MAMDC2: variants seen among roughly 807,000 people sequenced by gnomAD.
MAMDC2 encodes MAM domain containing 2.
In MAMDC2, 57 loss-of-function variants were observed where a neutral mutation model predicts 89.8. The ratio of observed to expected loss-of-function variants is 0.63; its 90% CI spans 0.51 to 0.79. MAMDC2 has a LOEUF of 0.79. Ranked by LOEUF, MAMDC2 falls within the 30% of genes least tolerant of loss-of-function variation. MAMDC2 has a pLI of 0.00. For synonymous variants in MAMDC2, 313 were observed against 293.4 expected (o/e 1.07, Z -0.68); for missense variants, 800 against 820.6 (o/e 0.97, Z 0.31).
intron 2 of MAMDC2, among the ~76,000 whole-genome samples, chr9:70,051,040 A>G (rs981032603): frequency 6.6e-6 from 1 of 152,192 alleles, no homozygotes; most frequent in Non-Finnish European, 1.5e-5. Flanking sequence ...TGGCTCCATT[A>G]GTGATGGTGC....
At chr9:70,125,051 G>C (rs770131389) in intron 5 of MAMDC2, among the ~76,000 whole-genome samples, 4 of 152,206 alleles carry the variant, frequency 2.6e-5, no homozygotes, top group Non-Finnish European at 1.5e-5. Context: ...TGGAAATGAA[G>C]ATATTAAGCT....
chr9:70,128,129 G>GA (rs2030644726), intron 6 of MAMDC2, among the ~76,000 whole-genome samples: 2 of 152,210 alleles, frequency 1.3e-5, no homozygotes, highest in Non-Finnish European at 2.9e-5. Context: ...TTGTCCTGAA[G>GA]AAATCAGTGA....
intron 11 of MAMDC2, among the ~76,000 whole-genome samples, chr9:70,176,902 G>A (rs963427992): frequency 6.6e-6 from 1 of 152,064 alleles, no homozygotes; most frequent in African/African-American, 2.4e-5. Flanking sequence ...TATGTTCCTC[G>A]ATGCCTAGTG....
intron 2 of MAMDC2, among the ~76,000 whole-genome samples, chr9:70,051,413 G>GA (rs1159098186): frequency 1.3e-5 from 2 of 152,070 alleles, no homozygotes; most frequent in African/African-American, 4.8e-5. Flanking sequence ...ATGTGGGGAG[G>GA]AAAAAAATAA....
At chr9:70,095,416 G>A (rs1828004552) in intron 2 of MAMDC2, among the ~76,000 whole-genome samples, 1 of 152,150 alleles carries the variant, frequency 6.6e-6, no homozygotes, top group South Asian at 2.1e-4. Flanking sequence ...ATCAGTGGAA[G>A]GAACTTGAAG....
In MAMDC2 at chr9:70,217,055, T is replaced by C. The variant is rs537138902; in HGVS notation, c.1652-1282T>C. 1.5e-4 allele frequency: 67 copies of C among 445,524 alleles called. 1 individual carries two copies. In the East Asian group the frequency reaches 2.8e-3, roughly 19 times the overall value. 27.6% of individuals were successfully genotyped at this position (445,524 alleles called of 1,614,324 possible). On this transcript the variant is annotated intron_variant, in intron 11 of 13. Coordinates refer to ENST00000377182, the MANE Select transcript of MAMDC2 (RefSeq NM_153267.5). ...CACCACTGCCTTATCTACATGCCGATTAATCCTGTTTCTGCCTGAAGCCAA... is the reference window on the plus strand; with the variant it reads ...CACCACTGCCTTATCTACATGCCGACTAATCCTGTTTCTGCCTGAAGCCAA...
At position 70,068,459 on chromosome 9, in the gene MAMDC2, T is replaced by C. The variant is rs1827318810; in HGVS notation, c.148+23762T>C. Among the ~76,000 whole-genome samples, 5 of 152,068 alleles carry C rather than the reference T, an allele frequency of 3.3e-5. 1 individual carries two copies. In the South Asian group the frequency reaches 1.0e-3, roughly 32 times the overall value. On this transcript the variant is annotated intron_variant, in intron 2 of 13. Transcript: ENST00000377182. ...GGGGCCAGGTACAGTGGCTCATGCC[T>C]GTAATCCCAGGACTTTGGGAGGCCA...
chr9:70,053,507 G>A (rs995229269), intron 2 of MAMDC2, among the ~76,000 whole-genome samples: 6 of 152,134 alleles, frequency 3.9e-5, no homozygotes, highest in South Asian at 2.1e-4. Flanking sequence ...CCTTGGTGGC[G>A]GCCCTAGGCC....
chr9:70,174,622 G>C (rs2032441739), intron 11 of MAMDC2, among the ~76,000 whole-genome samples: 1 of 152,122 alleles, frequency 6.6e-6, no homozygotes, highest in Non-Finnish European at 1.5e-5. Context: ...GGCTGGTTTA[G>C]CTATAGCCTA....
At chr9:70,225,174 G>A (rs773983598) in intron 12 of MAMDC2, among the ~76,000 whole-genome samples, 5 of 152,132 alleles carry the variant, frequency 3.3e-5, no homozygotes, top group Non-Finnish European at 5.9e-5. Flanking sequence ...CTCAGAATCT[G>A]AAGTTATAAA....
At chr9:70,109,298 G>T (rs1418096141) in intron 3 of MAMDC2, 2 of 160,894 alleles carry the variant, frequency 1.2e-5, no homozygotes, top group Non-Finnish European at 2.7e-5. Context: ...CTTCTTCCCA[G>T]CAGTTATCAC....
intron 9 of MAMDC2, among the ~76,000 whole-genome samples, chr9:70,149,441 G>A (rs1175820347): frequency 6.6e-6 from 1 of 152,130 alleles, no homozygotes; most frequent in Non-Finnish European, 1.5e-5. Context: ...CTGACCTACA[G>A]GGAGCTCTGA....
intron 5 of MAMDC2, among the ~76,000 whole-genome samples, chr9:70,119,483 G>A (rs1315573625): frequency 2.0e-5 from 3 of 152,226 alleles, no homozygotes; most frequent in Middle Eastern, 3.4e-3. Context: ...GTAAGTACTC[G>A]GTAGGGAAGC....
intron 11 of MAMDC2, among the ~76,000 whole-genome samples, chr9:70,202,451 G>A (rs1255622492): frequency 1.3e-5 from 2 of 151,270 alleles, no homozygotes; most frequent in African/African-American, 4.9e-5. Context: ...TTTTACATTT[G>A]CTGAGGAGAG....
At chr9:70,210,758 G>C (rs548086588) in intron 11 of MAMDC2, among the ~76,000 whole-genome samples, 1 of 152,062 alleles carries the variant, frequency 6.6e-6, no homozygotes, top group Admixed American at 6.6e-5. Flanking sequence ...TGTTTTTGCA[G>C]TGGCTGGTAC....
At chr9:70,194,281 T>C (rs1196540642) in intron 11 of MAMDC2, 1 of 152,136 alleles carries the variant, frequency 6.6e-6, no homozygotes, top group African/African-American at 2.4e-5. Flanking sequence ...GATTTGAATG[T>C]GTCTCCTCCA....
chr9:70,082,590 T>C (rs1313549148), intron 2 of MAMDC2: 1 of 152,156 alleles, frequency 6.6e-6, no homozygotes, highest in African/African-American at 2.4e-5. Context: ...TGCAAGACTA[T>C]TGGGGTATTT....
chr9:70,224,023 A>G (rs1274653909), intron 12 of MAMDC2, among the ~76,000 whole-genome samples: 1 of 152,110 alleles, frequency 6.6e-6, no homozygotes, highest in Non-Finnish European at 1.5e-5. Context: ...TAATTTTATT[A>G]CTCTTTTCAT....
At chr9:70,103,741 G>A (rs1457100448) in intron 2 of MAMDC2, among the ~76,000 whole-genome samples, 1 of 152,106 alleles carries the variant, frequency 6.6e-6, no homozygotes, top group African/African-American at 2.4e-5. Flanking sequence ...TAGCACTTTG[G>A]GAGGCCGAGG....
Sources: allele counts gnomAD v4.1 joint callset (sites outside exome capture counted in the v4.1 genomes callset), GRCh38; gene constraint gnomAD v4.1.1; transcripts MANE v1.5; gene names NCBI Gene and HGNC (gene_info 2026-07-23, HGNC 2026-07-21).